The following RBFOX1 variants were observed in gnomAD, a reference collection of about 807,000 sequenced individuals.
The protein encoded by RBFOX1 is RNA binding fox-1 homolog 1, also known as RNA binding protein fox-1 homolog 1.
Under a neutral mutation model 57.7 loss-of-function variants are expected in RBFOX1, and 8 were observed. The observed-to-expected ratio is 0.14, with a 90% CI of 0.08 to 0.25. The LOEUF (loss-of-function observed/expected upper bound fraction) is 0.25, where lower values mean the gene tolerates loss of function less well. RBFOX1 is among the 10% of genes least tolerant of loss of function. RBFOX1 has a pLI of 1.00. For synonymous variants in RBFOX1, 326 were observed against 222.4 expected (o/e 1.47, Z -4.15); for missense variants, 611 against 548.5 (o/e 1.11, Z -1.14).
chr16:5,644,712 T>C (rs936795692), intron 3 of RBFOX1, among the ~76,000 whole-genome samples: 1 of 152,236 alleles, frequency 6.6e-6, no homozygotes, highest in African/African-American at 2.4e-5. Context: ...ACTGAGATCA[T>C]GTCCACAAAA....
chr16:6,930,523 C>A (rs962144530), intron 3 of RBFOX1, among the ~76,000 whole-genome samples: 8 of 152,196 alleles, frequency 5.3e-5, no homozygotes, highest in African/African-American at 1.9e-4. Context: ...GATTCTCCTG[C>A]CTCAGCCTCC....
chr16:7,514,346 T>G (rs992144659), intron 4 of RBFOX1, among the ~76,000 whole-genome samples: 7 of 152,206 alleles, frequency 4.6e-5, no homozygotes, highest in African/African-American at 1.7e-4. Flanking sequence ...AGACTAGGCT[T>G]TACAGAGCCC....
chr16:7,296,988 C>T (rs796175950), intron 4 of RBFOX1, among the ~76,000 whole-genome samples: 13 of 152,230 alleles, frequency 8.5e-5, no homozygotes, highest in African/African-American at 3.1e-4. Context: ...TACAGCAGAA[C>T]CTCATGTCAG....
At chr16:7,673,942 A>G (rs2072446711) in intron 13 of RBFOX1, among the ~76,000 whole-genome samples, 1 of 152,176 alleles carries the variant, frequency 6.6e-6, no homozygotes. Flanking sequence ...ATTGAAAGTG[A>G]GTGTTCCTTT....
intron 4 of RBFOX1, among the ~76,000 whole-genome samples, chr16:7,083,094 A>C (rs2059443417): frequency 1.3e-5 from 2 of 152,188 alleles, no homozygotes; most frequent in Admixed American, 1.3e-4. Flanking sequence ...TGCTCATTTC[A>C]AGGAACAAGG....
intron 4 of RBFOX1, among the ~76,000 whole-genome samples, chr16:7,509,425 TG>T (rs1555531485): frequency 6.6e-6 from 1 of 150,880 alleles, no homozygotes; most frequent in Non-Finnish European, 1.5e-5. Context: ...TGTGTGTGTG[TG>T]TGTGTCTGTG....
Position 5,419,656 on chromosome 16 carries a change from G to A in RBFOX1, c.220-47560G>A, listed in dbSNP as rs115078454. Among the ~76,000 whole-genome samples, 447 of 152,204 alleles carry A rather than the reference G, an allele frequency of 2.9e-3. 3 individuals are homozygous for A. The highest frequency in any genetic ancestry group is 0.01 in the African/African-American group (422 of 41,530). ...TCCCAAATCCTCAGAAGCTGTGAAT[G>A]CGGTGAGACATCACTCCCATGGTTG... On this transcript the variant is annotated intron_variant, in intron 1 of 2. Transcript: ENST00000585867.
chr16:5,849,716 T>C (rs539654670), intron 3 of RBFOX1, among the ~76,000 whole-genome samples: 51 of 152,262 alleles, frequency 3.3e-4, no homozygotes, highest in African/African-American at 1.2e-3. Context: ...GATAATTATT[T>C]ATTAGCATCT....
intron 4 of RBFOX1, among the ~76,000 whole-genome samples, chr16:5,918,369 C>A (rs532465208): frequency 6.6e-6 from 1 of 152,234 alleles, no homozygotes; most frequent in Non-Finnish European, 1.5e-5. Flanking sequence ...ATCCACTCGC[C>A]TTCGCCTCCC....
chr16:6,249,354 G>A (rs1006489918), intron 1 of RBFOX1, among the ~76,000 whole-genome samples: 37 of 152,156 alleles, frequency 2.4e-4, no homozygotes, highest in African/African-American at 5.1e-4. Flanking sequence ...GTGAAACCCC[G>A]TGTCTATTAA....
chr16:6,291,075 G>T (rs1223820588), intron 1 of RBFOX1, among the ~76,000 whole-genome samples: 1 of 152,176 alleles, frequency 6.6e-6, no homozygotes, highest in East Asian at 1.9e-4. Context: ...CATGGCATCT[G>T]TAAACTGTCA....
chr16:5,794,569 T>C lies in RBFOX1; in HGVS notation c.319-72734T>C, dbSNP rs2054813351. On this transcript the variant is annotated intron_variant, in intron 3 of 19. Transcript: ENST00000641259. The stretch of plus-strand genomic sequence containing the variant: ...TTCAGATTTGCTCATTGGAGAGGTA[T>C]AGCTGTCGGGCAGGTCAGATGTTGT... 1.3e-5 allele frequency among the ~76,000 whole-genome samples: 2 copies of C among 152,090 alleles called. 1 individual carries two copies. Among genetic ancestry groups the C allele is most frequent in the South Asian group, 4.1e-4 (2 of 4,826 alleles).
chr16:5,622,837 G>T (rs1250245617), intron 3 of RBFOX1, among the ~76,000 whole-genome samples: 2 of 152,168 alleles, frequency 1.3e-5, no homozygotes, highest in Non-Finnish European at 2.9e-5. Flanking sequence ...ATATCCTTAC[G>T]TGTACGATGG....
chr16:7,052,098 G>A lies in RBFOX1; in HGVS notation c.27G>A (p.Arg9=), dbSNP rs758592429. The A allele has an allele frequency of 6.2e-7, 1 of 1,606,338 alleles. No homozygotes were observed. The highest frequency in any genetic ancestry group is 1.1e-5 in the South Asian group (1 of 88,836). ...TGAATTGTGAAAGAGAGCAGCTAAGGGTAGGTGCACCTGCTTGTAAAATGC... is the reference window on the plus strand; with the variant it reads ...TGAATTGTGAAAGAGAGCAGCTAAGAGTAGGTGCACCTGCTTGTAAAATGC... MNCEREQL[R]GNQEAAAAPD... is the part of the protein sequence containing the mutation. The change falls in exon 4 of 16, where the codon AGG becomes AGA. Residue 9 remains arginine, a splice_region_variant and synonymous_variant. Transcript: ENST00000550418.
chr16:7,647,334 T>A (rs1732294928), intron 11 of RBFOX1, among the ~76,000 whole-genome samples: 3 of 152,302 alleles, frequency 2.0e-5, no homozygotes, highest in Non-Finnish European at 4.4e-5. Context: ...TGAATCCAAT[T>A]TGTGTTGTAG....
chr16:6,651,398 C>A (rs955126362), intron 2 of RBFOX1, among the ~76,000 whole-genome samples: 1 of 152,170 alleles, frequency 6.6e-6, no homozygotes, highest in Non-Finnish European at 1.5e-5. Context: ...CCTTCCCCTG[C>A]TACACCCTTA....
At chr16:7,163,550 T>G (rs1268281310) in intron 4 of RBFOX1, among the ~76,000 whole-genome samples, 8 of 152,174 alleles carry the variant, frequency 5.3e-5, no homozygotes, top group Admixed American at 3.9e-4. Flanking sequence ...TCCCTCTTCT[T>G]CCACCTAGAA....
intron 3 of RBFOX1, among the ~76,000 whole-genome samples, chr16:6,860,522 A>G (rs764728812): frequency 2.0e-5 from 3 of 152,232 alleles, no homozygotes; most frequent in Admixed American, 6.5e-5. Flanking sequence ...ATCATGGGAC[A>G]TTCAAGATGC....
At chr16:5,647,151 C>T (rs2049081529) in intron 3 of RBFOX1, among the ~76,000 whole-genome samples, 1 of 152,134 alleles carries the variant, frequency 6.6e-6, no homozygotes, top group Admixed American at 6.5e-5. Context: ...AATCCTGCCT[C>T]AAGGTGGACC....
Sources: gnomAD v4.1 joint callset for allele counts (sites outside exome capture counted in the v4.1 genomes callset) on GRCh38, gnomAD v4.1.1 for gene constraint, MANE v1.5 for transcripts, NCBI Gene and HGNC (gene_info 2026-07-23, HGNC 2026-07-21) for gene names.